Variants in GABRB1 observed in about 807,000 individuals in gnomAD.
GABRB1 encodes gamma-aminobutyric acid receptor subunit beta-1.
GABRB1 carries 17 observed loss-of-function variants against 51.6 expected under a neutral mutation model. That is an observed-to-expected ratio of 0.33 (90% CI 0.23 to 0.49). The LOEUF is 0.49. Among genes scored for constraint, GABRB1 ranks in the 20% least tolerant of loss-of-function variants. The pLI is 0.99. For missense variants in GABRB1, 410 were observed against 600.6 expected (o/e 0.68, Z 3.32); for synonymous variants, 247 against 218.9 (o/e 1.13, Z -1.14).
chr4:47,378,208 C>T (rs866101606), intron 5 of GABRB1, among the ~76,000 whole-genome samples: 30 of 152,358 alleles, frequency 2.0e-4, no homozygotes, highest in Middle Eastern at 6.8e-3. Context: ...GGGAAGGCAG[C>T]TAAGGCCTGG....
chr4:47,123,927 A>C, intron 3 of GABRB1, among the ~76,000 whole-genome samples: 1 of 109,826 alleles, frequency 9.1e-6, no homozygotes, highest in Admixed American at 1.4e-4. Flanking sequence ...TATGATATAT[A>C]ATATATTATA....
intron 5 of GABRB1, among the ~76,000 whole-genome samples, chr4:47,329,877 GAC>G (rs1010193088): frequency 4.0e-5 from 6 of 151,866 alleles, no homozygotes; most frequent in African/African-American, 1.2e-4. Flanking sequence ...GAGAGAGAAA[GAC>G]AGATTTATTA....
At chr4:47,316,769 C>T (rs973889579) in intron 4 of GABRB1, among the ~76,000 whole-genome samples, 1 of 151,862 alleles carries the variant, frequency 6.6e-6, no homozygotes, top group African/African-American at 2.4e-5. Context: ...TTCCTGTTTT[C>T]CCAATTCAGG....
At chr4:47,151,703 C>T (rs1304919826) in intron 3 of GABRB1, among the ~76,000 whole-genome samples, 1 of 151,996 alleles carries the variant, frequency 6.6e-6, no homozygotes, top group African/African-American at 2.4e-5. Flanking sequence ...ACCTCTGGAA[C>T]TAAGGAACTT....
chr4:47,218,573 C>A (rs1578009931), intron 4 of GABRB1, among the ~76,000 whole-genome samples: 1 of 151,894 alleles, frequency 6.6e-6, no homozygotes, highest in Non-Finnish European at 1.5e-5. Context: ...ATTTACATTT[C>A]TCTGATGATT....
intron 4 of GABRB1, among the ~76,000 whole-genome samples, chr4:47,235,520 G>A (rs561120202): frequency 6.6e-6 from 1 of 151,140 alleles, no homozygotes; most frequent in East Asian, 2.0e-4. Context: ...TTGCACTCCA[G>A]CCTGGTGACA....
At chr4:47,300,873 T>C (rs1483285756) in intron 4 of GABRB1, among the ~76,000 whole-genome samples, 1 of 152,140 alleles carries the variant, frequency 6.6e-6, no homozygotes, top group Non-Finnish European at 1.5e-5. Flanking sequence ...GCTATACAGA[T>C]ACATACATAT....
chr4:47,294,558 C>G (rs989127412), intron 4 of GABRB1, among the ~76,000 whole-genome samples: 13 of 152,346 alleles, frequency 8.5e-5, no homozygotes, highest in African/African-American at 2.6e-4. Context: ...GGGGGAGGGG[C>G]GCCCGCCATT....
At chr4:47,229,162 C>G (rs982865705) in intron 4 of GABRB1, among the ~76,000 whole-genome samples, 9 of 152,074 alleles carry the variant, frequency 5.9e-5, no homozygotes. Flanking sequence ...TTTTTGGAGA[C>G]TTAAGTGAGC....
chr4:47,115,704 CT>C (rs1715447810), intron 3 of GABRB1, among the ~76,000 whole-genome samples: 1 of 151,142 alleles, frequency 6.6e-6, no homozygotes, highest in African/African-American at 2.4e-5. Context: ...CTGGTAAAGG[CT>C]TTTTCTAACA....
At chr4:47,183,670 C>T (rs1343231144) in intron 4 of GABRB1, among the ~76,000 whole-genome samples, 2 of 151,690 alleles carry the variant, frequency 1.3e-5, no homozygotes, top group East Asian at 1.9e-4. Flanking sequence ...AATTACTCCC[C>T]TCTTTCTACA....
chr4:47,367,025 A>G (rs549587157), intron 5 of GABRB1, among the ~76,000 whole-genome samples: 4 of 152,158 alleles, frequency 2.6e-5, no homozygotes, highest in Non-Finnish European at 4.4e-5. Flanking sequence ...TGCTTCTGCC[A>G]TACCTGGACA....
chr4:47,030,324 A>T (rs1239359304), upstream of GABRB1, among the ~76,000 whole-genome samples: 1 of 152,128 alleles, frequency 6.6e-6, no homozygotes, highest in East Asian at 1.9e-4. Flanking sequence ...TTTGTTTGGT[A>T]ACTCCTGTGT....
chr4:47,088,517 G>C lies in GABRB1; in HGVS notation c.240+56033G>C, dbSNP rs530448792. Among the ~76,000 whole-genome samples, 4 of 152,166 alleles carry C rather than the reference G, an allele frequency of 2.6e-5. No individual in the cohort carries two copies. In the South Asian group the frequency reaches 8.3e-4, roughly 32 times the overall value. ...ACAGCTTGGCATGTTTGCACAGTCAGGCTTAGAGTACAAGAAGAAAGTGCT... is the reference window on the plus strand; with the variant it reads ...ACAGCTTGGCATGTTTGCACAGTCACGCTTAGAGTACAAGAAGAAAGTGCT... On this transcript the variant is annotated intron_variant, in intron 3 of 8. Coordinates refer to ENST00000295454, the MANE Select transcript of GABRB1 (RefSeq NM_000812.4).
chr4:47,300,028 G>A (rs533025156), intron 4 of GABRB1, among the ~76,000 whole-genome samples: 367 of 145,788 alleles, frequency 2.5e-3, no homozygotes, highest in African/African-American at 9.0e-3. Context: ...CTCATAGGTG[G>A]GAATTGAACA....
intron 4 of GABRB1, among the ~76,000 whole-genome samples, chr4:47,208,773 T>G (rs1414409188): frequency 6.6e-6 from 1 of 152,090 alleles, no homozygotes; most frequent in East Asian, 1.9e-4. Context: ...CTTTTCCTGC[T>G]GGGCATGATT....
chr4:47,358,677 G>T (rs775212484), intron 5 of GABRB1, among the ~76,000 whole-genome samples: 1 of 152,046 alleles, frequency 6.6e-6, no homozygotes, highest in East Asian at 1.9e-4. Context: ...AATTACCTCT[G>T]CAAAGACCCT....
intron 4 of GABRB1, among the ~76,000 whole-genome samples, chr4:47,231,508 A>G (rs1721142689): frequency 6.6e-6 from 1 of 152,186 alleles, no homozygotes; most frequent in South Asian, 2.1e-4. Context: ...GTGGCTGTAA[A>G]TGTACTTAGA....
At chr4:47,161,545 G>A (rs769255135) in intron 4 of GABRB1, 76 bp downstream of exon 4, 2 of 1,158,422 alleles carry the variant, frequency 1.7e-6, no homozygotes, top group Non-Finnish European at 2.5e-6. Flanking sequence ...GTGGGCAAAG[G>A]GGAGAGAAGC....
Sources: allele counts gnomAD v4.1 joint callset (sites outside exome capture counted in the v4.1 genomes callset), GRCh38; gene constraint gnomAD v4.1.1; transcripts MANE v1.5; gene names NCBI Gene and HGNC (gene_info 2026-07-23, HGNC 2026-07-21).